The following SARDH variants were observed in gnomAD, a reference collection of about 807,000 sequenced individuals.
The protein encoded by SARDH is sarcosine dehydrogenase, also known as sarcosine dehydrogenase, mitochondrial.
A neutral mutation model predicts 109.1 loss-of-function variants in SARDH; 95 were observed. The ratio of observed to expected loss-of-function variants is 0.87; its 90% CI spans 0.74 to 1.03. The LOEUF (loss-of-function observed/expected upper bound fraction) is 1.03. Ranked by LOEUF, SARDH falls within the 50% of genes least tolerant of loss-of-function variation. The pLI is 0.00. For missense variants in SARDH, 1,267 were observed against 1,287.8 expected, an observed-to-expected ratio of 0.98 and a Z score of 0.25; for synonymous variants, 572 against 534.8, an observed-to-expected ratio of 1.07 and a Z score of -0.96.
rs186174211 is a variant in SARDH, at chr9:133,720,638, C to G, written c.916-1596G>C. On this transcript the variant is annotated intron_variant, in intron 6 of 20. Coordinates refer to ENST00000439388, the MANE Select transcript of SARDH (RefSeq NM_001134707.2). ...AGGAGCAAAGGCATGTCTTACATGGCAGCAGGAAAGAGAGAGAGAGCATGT... is the reference window on the plus strand; with the variant it reads ...AGGAGCAAAGGCATGTCTTACATGGGAGCAGGAAAGAGAGAGAGAGCATGT... 8.3e-4 allele frequency among the ~76,000 whole-genome samples: 118 copies of G among 142,204 alleles called. No homozygotes were observed. In the East Asian group the frequency reaches 0.024, roughly 29 times the overall value. 93.3% of individuals were successfully genotyped at this position (142,204 alleles called of 152,430 possible). A position where few individuals can be genotyped will look rare whatever the true frequency, so the allele number is the denominator to read the frequency against.
At chr9:133,677,896 T>C (rs1350470011) in intron 17 of SARDH, among the ~76,000 whole-genome samples, 1 of 152,218 alleles carries the variant, frequency 6.6e-6, no homozygotes, top group Non-Finnish European at 1.5e-5. Flanking sequence ...GATCCCTCTG[T>C]GGAATGAGAT....
intron 8 of SARDH, among the ~76,000 whole-genome samples, chr9:133,716,859 G>A (rs1038445651): frequency 3.3e-5 from 5 of 152,200 alleles, no homozygotes; most frequent in Admixed American, 6.5e-5. Context: ...CTCTGGGAGC[G>A]GTGGGGGCTG....
At chr9:133,733,655 T>A (rs1832761082) in intron 2 of SARDH, among the ~76,000 whole-genome samples, 188 bp downstream of exon 2, 1 of 152,136 alleles carries the variant, frequency 6.6e-6, no homozygotes, top group Non-Finnish European at 1.5e-5. Context: ...CCACCACAGC[T>A]CTTCAGCGAC....
chr9:133,664,091 A>C, intron 20 of SARDH, 77 bp from the exon 21 acceptor site: 7 of 1,560,048 alleles, frequency 4.5e-6, no homozygotes, highest in Non-Finnish European at 6.1e-6. Flanking sequence ...TCTCTGGAGG[A>C]GGGGGTCTTG....
chr9:133,739,314 C>A (rs1832985083), upstream of SARDH, among the ~76,000 whole-genome samples: 1 of 152,202 alleles, frequency 6.6e-6, no homozygotes, highest in Admixed American at 6.5e-5. Flanking sequence ...TAATTAATAC[C>A]AATCAAATCA....
Position 133,729,873 on chromosome 9 carries a change from C to G in SARDH, c.815-8G>C, listed in dbSNP as rs755222724. ...CAGCACTTGCCCACACTCCTGCGGG[C>G]AGAGCACAGACAGCTCAGCTCTGCT... On this transcript the variant is annotated splice_region_variant and splice_polypyrimidine_tract_variant and intron_variant, in intron 5 of 20. Transcript: ENST00000439388. 8 of 1,610,894 alleles carry G rather than the reference C, an allele frequency of 5.0e-6. No homozygotes were observed. Among genetic ancestry groups the G allele is most frequent in the African/African-American group, 1.3e-5 (1 of 74,944 alleles).
intron 3 of SARDH, 38 bp downstream of exon 3, chr9:133,732,385 C>G (rs976909676): frequency 3.2e-6 from 4 of 1,262,956 alleles, no homozygotes; most frequent in African/African-American, 1.5e-5. Flanking sequence ...CCCACCCACC[C>G]AAGCCCCCCT....
At position 133,684,870 on chromosome 9, in the gene SARDH, C is replaced by T. The variant is rs1204990754; in HGVS notation, c.2163+323G>A. Among the ~76,000 whole-genome samples, 10 of 152,314 alleles carry T rather than the reference C, an allele frequency of 6.6e-5. No individual in the cohort carries two copies. The East Asian group carries it at 7.7e-4, about 12-fold the overall frequency. On this transcript the variant is annotated intron_variant, in intron 17 of 20. Transcript: ENST00000439388. ...TCACTTGGCCTCGGGAGGGCTGCCCCGCGCCTTTCAGGAGGGGATACAATA... is the reference window on the plus strand; with the variant it reads ...TCACTTGGCCTCGGGAGGGCTGCCCTGCGCCTTTCAGGAGGGGATACAATA...
chr9:133,717,549 C>T (rs531310854), intron 7 of SARDH, 94 bp from the exon 8 acceptor site: 2 of 1,534,644 alleles, frequency 1.3e-6, no homozygotes, highest in East Asian at 2.4e-5. Context: ...CCAGGCCAGC[C>T]TCTGCTGAAT....
rs766564675 is a variant in SARDH at position 133,719,026 on chromosome 9, C to T, written c.932G>A (p.Arg311His). The T allele has an allele frequency of 1.3e-5, 21 of 1,614,002 alleles. No individual in the cohort carries two copies. The highest frequency in any genetic ancestry group is 5.3e-5 in the African/African-American group (4 of 74,928). Residue 311 changes from arginine to histidine, a missense_variant, in exon 7 of 21, where the codon CGT (arginine) becomes CAT (histidine). Transcript: ENST00000439388. ...IEGIQNMPNV[R>H]DHDASVYLRL... Reference sequence around the variant, plus strand: ...GAGGTAGACAGAGGCATCATGATCACGGACATTGGGCATGTTCTGGAAGGC... The same window carrying T: ...GAGGTAGACAGAGGCATCATGATCATGGACATTGGGCATGTTCTGGAAGGC...
intron 8 of SARDH, among the ~76,000 whole-genome samples, 191 bp from the exon 9 acceptor site, chr9:133,713,315 G>C (rs867120358): frequency 8.6e-5 from 13 of 152,026 alleles, no homozygotes; most frequent in South Asian, 4.1e-4. Context: ...CGTGCTCTCT[G>C]AGCCCCTCCA....
intron 13 of SARDH, among the ~76,000 whole-genome samples, chr9:133,700,505 T>A (rs1831442436): frequency 6.6e-6 from 1 of 152,094 alleles, no homozygotes; most frequent in African/African-American, 2.4e-5. Flanking sequence ...TAGATATATC[T>A]ACAGAGAGAG....
rs780748416 is a variant in SARDH, at chr9:133,734,158, G to A, written c.16C>T (p.Arg6Ter). ...TGGGCAGCAGCCACACGTAGGGCTC[G>A]GCTCAGTGAGGCCATGGGGGCTCCA... MASLS[R>*]ALRVAAAHPR... Residue 6 changes from arginine (R) to a stop codon, truncating the protein, a stop_gained, in exon 2 of 21, where the codon CGA (arginine) becomes TGA (stop). Coordinates refer to ENST00000439388, the MANE Select transcript of SARDH (RefSeq NM_001134707.2). LOFTEE classifies it high-confidence loss of function. 1.2e-5 allele frequency: 19 copies of A among 1,595,016 alleles called. No individual in the cohort carries two copies. The highest frequency in any genetic ancestry group is 1.1e-4 in the African/African-American group (8 of 74,722).
At chr9:133,664,528 TAGGC>T (rs1165188777) in intron 20 of SARDH, among the ~76,000 whole-genome samples, 1 of 152,080 alleles carries the variant, frequency 6.6e-6, no homozygotes, top group African/African-American at 2.4e-5. Context: ...CAGGTGCTCT[TAGGC>T]AGGAGGAGGG....
At chr9:133,671,091 T>G (rs1287053997) in intron 18 of SARDH, among the ~76,000 whole-genome samples, 1 of 152,080 alleles carries the variant, frequency 6.6e-6, no homozygotes, top group African/African-American at 2.4e-5. Flanking sequence ...CCCAACACGC[T>G]GGGGAACCGC....
intron 16 of SARDH, among the ~76,000 whole-genome samples, chr9:133,687,916 G>A (rs1329529987): frequency 1.3e-5 from 2 of 152,214 alleles, no homozygotes; most frequent in African/African-American, 4.8e-5. Flanking sequence ...TTACCAGGAG[G>A]CAGCGAGCTC....
chr9:133,689,356 G>A (rs1385798512), intron 16 of SARDH, among the ~76,000 whole-genome samples: 1 of 152,154 alleles, frequency 6.6e-6, no homozygotes, highest in Non-Finnish European at 1.5e-5. Context: ...CCAGCCCCAA[G>A]GCAGATGTGG....
At chr9:133,661,314 T>G (rs1325491128), downstream of SARDH, among the ~76,000 whole-genome samples, 1 of 150,684 alleles carries the variant, frequency 6.6e-6, no homozygotes, top group Non-Finnish European at 1.5e-5. Context: ...TACTCCAGCT[T>G]GGGCAACAGA....
chr9:133,735,814 C>T (rs1362756921), intron 1 of SARDH, among the ~76,000 whole-genome samples: 2 of 152,346 alleles, frequency 1.3e-5, no homozygotes, highest in Middle Eastern at 3.4e-3. Context: ...GAGGCCGAGG[C>T]AGGCGGATCA....
Sources: allele counts gnomAD v4.1 joint callset (sites outside exome capture counted in the v4.1 genomes callset), GRCh38; gene constraint gnomAD v4.1.1; transcripts MANE v1.5; gene names NCBI Gene and HGNC (gene_info 2026-07-23, HGNC 2026-07-21).